The following CACNA2D3 variants were observed in gnomAD, a reference collection of about 807,000 sequenced individuals.
The protein encoded by CACNA2D3 is calcium voltage-gated channel auxiliary subunit alpha2delta 3, also known as voltage-dependent calcium channel subunit alpha-2/delta-3.
In CACNA2D3, 60 loss-of-function variants were observed where a neutral mutation model predicts 160.6. The ratio of observed to expected loss-of-function variants is 0.37; its 90% CI spans 0.30 to 0.46. The LOEUF is 0.46. Ranked by LOEUF, CACNA2D3 falls within the 20% of genes least tolerant of loss-of-function variation. CACNA2D3 has a pLI of 1.00. For synonymous variants in CACNA2D3, 558 were observed against 492.9 expected (o/e 1.13, Z -1.75); for missense variants, 1,205 against 1,365.0 (o/e 0.88, Z 1.85).
At chr3:54,473,891 G>A (rs1215821805) in intron 4 of CACNA2D3, among the ~76,000 whole-genome samples, 1 of 152,100 alleles carries the variant, frequency 6.6e-6, no homozygotes, top group Non-Finnish European at 1.5e-5. Flanking sequence ...TAAAAAGTCG[G>A]GAAACAACAG....
In CACNA2D3 at chr3:54,943,203, T is replaced by TAAAA. The variant is rs34708598; in HGVS notation, c.2450-25236_2450-25233dup. Among the ~76,000 whole-genome samples, 538 of 142,150 alleles carry TAAAA rather than the reference T, an allele frequency of 3.8e-3. 7 individuals carry two copies. Among genetic ancestry groups the TAAAA allele is most frequent in the African/African-American group, 0.012 (455 of 38,154 alleles). 93.3% of individuals were successfully genotyped at this position (142,150 alleles called of 152,430 possible). A position where few individuals can be genotyped will look rare whatever the true frequency, so the allele number is the denominator to read the frequency against. ...GGTAATAGCAACACGCTATCTCTGG[T>TAAAA]AAAAAAAAAAAAAATGAGAATAATA... On this transcript the variant is annotated intron_variant, in intron 27 of 37. Coordinates refer to ENST00000474759, the MANE Select transcript of CACNA2D3 (RefSeq NM_018398.3).
chr3:54,706,692 C>T (rs1700862831), intron 11 of CACNA2D3, among the ~76,000 whole-genome samples: 3 of 152,118 alleles, frequency 2.0e-5, no homozygotes, highest in East Asian at 1.9e-4. Flanking sequence ...TTGTGAGAAT[C>T]GATGCTCTCC....
At chr3:54,380,751 A>AAAAAACAG (rs1699090013) in intron 3 of CACNA2D3, among the ~76,000 whole-genome samples, 1 of 152,066 alleles carries the variant, frequency 6.6e-6, no homozygotes, top group Admixed American at 6.5e-5. Context: ...CAAAAAAACA[A>AAAAAACAG]AAGCCACTGA....
chr3:54,325,197 A>C (rs6445648), intron 3 of CACNA2D3, among the ~76,000 whole-genome samples: 105,054 of 151,964 alleles, frequency 0.69, 36,498 homozygotes, highest in Non-Finnish European at 0.74. Flanking sequence ...GGAAGAGAAT[A>C]TGTAGGAAGT....
At chr3:54,776,399 C>T (rs999437881) in intron 13 of CACNA2D3, among the ~76,000 whole-genome samples, 3 of 152,064 alleles carry the variant, frequency 2.0e-5, no homozygotes, top group African/African-American at 7.2e-5. Flanking sequence ...CCTGTGGTCC[C>T]AGCTCCTCGG....
intron 21 of CACNA2D3, among the ~76,000 whole-genome samples, chr3:54,883,829 T>TCTCTCC (rs753661413): frequency 4.4e-4 from 64 of 145,780 alleles, no homozygotes; most frequent in South Asian, 6.6e-4. Context: ...CTCTCCTCTC[T>TCTCTCC]CTCCCTTCAA....
chr3:54,577,345 G>A (rs897357410), intron 8 of CACNA2D3, among the ~76,000 whole-genome samples: 4 of 152,178 alleles, frequency 2.6e-5, no homozygotes, highest in Non-Finnish European at 4.4e-5. Flanking sequence ...GTCCCTGGGA[G>A]GATTCAGAGG....
At chr3:54,840,307 A>G (rs1366611810) in intron 16 of CACNA2D3, among the ~76,000 whole-genome samples, 1 of 151,864 alleles carries the variant, frequency 6.6e-6, no homozygotes, top group Non-Finnish European at 1.5e-5. Flanking sequence ...CTAAGTAAAC[A>G]TTACGGTCAC....
At chr3:54,796,162 T>G (rs1045667627) in intron 13 of CACNA2D3, among the ~76,000 whole-genome samples, 1 of 147,014 alleles carries the variant, frequency 6.8e-6, no homozygotes, top group Admixed American at 6.6e-5. Flanking sequence ...TGTATTCCCT[T>G]CATTATCCAT....
chr3:54,705,241 C>T (rs1369454743), intron 11 of CACNA2D3, among the ~76,000 whole-genome samples: 3 of 152,110 alleles, frequency 2.0e-5, no homozygotes, highest in Non-Finnish European at 4.4e-5. Context: ...TTCCTTTCTC[C>T]TTCTCTAGGG....
intron 11 of CACNA2D3, among the ~76,000 whole-genome samples, chr3:54,732,317 C>T (rs757455020): frequency 3.3e-4 from 51 of 152,328 alleles, no homozygotes; most frequent in Admixed American, 1.3e-3. Context: ...GTTGAAAACA[C>T]GCACATACAC....
chr3:54,439,371 G>A (rs1700109208), intron 4 of CACNA2D3, among the ~76,000 whole-genome samples: 1 of 151,878 alleles, frequency 6.6e-6, no homozygotes, highest in Non-Finnish European at 1.5e-5. Flanking sequence ...TGGATCTCAA[G>A]GGCAGCAGAA....
chr3:54,247,803 G>A (rs1217751377), intron 2 of CACNA2D3, among the ~76,000 whole-genome samples: 1 of 152,122 alleles, frequency 6.6e-6, no homozygotes, highest in African/African-American at 2.4e-5. Flanking sequence ...TCACATCTGA[G>A]AATAGTGACC....
Position 54,687,118 on chromosome 3 carries a change from TTTCTTTTTTTTTTTTTG to T in CACNA2D3, c.1167+44880_1167+44896del, listed in dbSNP as rs1700463931. Among the ~76,000 whole-genome samples, 5 of 47,592 alleles carry T rather than the reference TTTCTTTTTTTTTTTTTG, an allele frequency of 1.1e-4. No individual in the cohort carries two copies. In the South Asian group the frequency reaches 1.8e-3, roughly 17 times the overall value. 31.2% of individuals were successfully genotyped at this position (47,592 alleles called of 152,430 possible). A position where few individuals can be genotyped will look rare whatever the true frequency, so the allele number is the denominator to read the frequency against. ...TTCAAATCGGATTTTTCTTTTTCTT[TTTCTTTTTTTTTTTTTG>T]TTTTTTTTTTTTTTTGTTTTTTTGA... On this transcript the variant is annotated intron_variant, in intron 11 of 37. Transcript: ENST00000474759.
rs367545767 is a variant in CACNA2D3 at position 55,005,082 on chromosome 3, C to A, written c.2766+244C>A. 2.0e-5 allele frequency among the ~76,000 whole-genome samples: 3 copies of A among 152,032 alleles called. No individual in the cohort carries two copies. In the East Asian group the frequency reaches 5.8e-4, roughly 30 times the overall value. On this transcript the variant is annotated intron_variant, in intron 32 of 37. Coordinates refer to ENST00000474759, the MANE Select transcript of CACNA2D3 (RefSeq NM_018398.3). The stretch of plus-strand genomic sequence containing the variant: ...CTTGGGGTCAGGAGTTTGAGACCAG[C>A]CTGGCCAACATGGTGAAACCCTGTC...
intron 13 of CACNA2D3, among the ~76,000 whole-genome samples, chr3:54,796,355 A>G (rs1455752908): frequency 6.6e-6 from 1 of 152,110 alleles, no homozygotes; most frequent in African/African-American, 2.4e-5. Context: ...ATCCCTTAGC[A>G]CCTGGCCTGC....
intron 8 of CACNA2D3, among the ~76,000 whole-genome samples, chr3:54,571,058 T>C (rs1702488242): frequency 6.6e-6 from 1 of 152,046 alleles, no homozygotes. Flanking sequence ...ATTTAAGAAA[T>C]ACATTGGTTT....
At chr3:54,615,388 G>T (rs1234134805) in intron 9 of CACNA2D3, among the ~76,000 whole-genome samples, 1 of 152,168 alleles carries the variant, frequency 6.6e-6, no homozygotes, top group Non-Finnish European at 1.5e-5. Flanking sequence ...TTAAAATAGA[G>T]GGACAGAAGA....
chr3:54,677,620 TG>T (rs5849051), intron 11 of CACNA2D3, among the ~76,000 whole-genome samples: 13,589 of 143,438 alleles, frequency 0.095, 892 homozygotes, highest in East Asian at 0.41. Flanking sequence ...GTTTTTTTTT[TG>T]GGGGGGGGGC....
Sources: allele counts gnomAD v4.1 joint callset (sites outside exome capture counted in the v4.1 genomes callset), GRCh38; gene constraint gnomAD v4.1.1; transcripts MANE v1.5; gene names NCBI Gene and HGNC (gene_info 2026-07-23, HGNC 2026-07-21).